Variants in MMS19 observed in about 807,000 individuals in gnomAD.
MMS19 encodes MMS19 cytosolic iron-sulfur assembly component.
Under a neutral mutation model 129.8 loss-of-function variants are expected in MMS19, and 77 were observed. The observed-to-expected ratio is 0.59, with a 90% CI of 0.49 to 0.72. The LOEUF (loss-of-function observed/expected upper bound fraction) is 0.72. MMS19 is among the 30% of genes least tolerant of loss of function. MMS19 has a pLI of 0.00. For synonymous variants in MMS19, 491 were observed against 502.8 expected, an observed-to-expected ratio of 0.98 and a Z score of 0.31; for missense variants, 1,168 against 1,266.3, an observed-to-expected ratio of 0.92 and a Z score of 1.18.
Position 97,467,568 on chromosome 10 carries a change from T to C in MMS19, c.1234A>G (p.Thr412Ala). 7 of 1,613,986 alleles carry C rather than the reference T, an allele frequency of 4.3e-6. No individual in the cohort carries two copies. Among genetic ancestry groups the C allele is most frequent in the Non-Finnish European group, 5.1e-6 (6 of 1,179,878 alleles). The change falls in exon 14 of 31, where the codon ACA becomes GCA. Residue 412 changes from threonine to alanine, a missense_variant. This residue lies in a region of MMS19 where 831 missense variants were observed against 910.8 expected (regional missense o/e 0.91). Transcript: ENST00000438925. ...HKHSQSSQRR[T>A]ILEMLLGFLK... ...AAACCCAGGAGCATTTCAAGGATTG[T>C]CCGCCGCTGGCTGCTCTGTAACGTT...
intron 1 of MMS19, among the ~76,000 whole-genome samples, chr10:97,490,689 C>G (rs1299583577): frequency 2.6e-5 from 4 of 152,178 alleles, no homozygotes; most frequent in Non-Finnish European, 4.4e-5. Flanking sequence ...TCTGTGGTCT[C>G]ACAGCAACAG....
chr10:97,481,090 G>A (rs780022676), intron 2 of MMS19, 48 bp from the exon 3 acceptor site: 23 of 1,161,522 alleles, frequency 2.0e-5, no homozygotes, highest in Non-Finnish European at 2.7e-5. Context: ...CAGTTCAAAT[G>A]TTTGAAGAAA....
chr10:97,489,270 GA>G (rs1050756020), intron 1 of MMS19, among the ~76,000 whole-genome samples: 5 of 152,248 alleles, frequency 3.3e-5, no homozygotes, highest in African/African-American at 1.2e-4. Flanking sequence ...TTTTTAAAGG[GA>G]GGGGGGATTG....
At chr10:97,472,310 G>A (rs1483292220) in intron 8 of MMS19, among the ~76,000 whole-genome samples, 2 of 152,188 alleles carry the variant, frequency 1.3e-5, no homozygotes, top group African/African-American at 4.8e-5. Flanking sequence ...CACGATCTTG[G>A]CTCACTGCAG....
chr10:97,486,895 A>ATATATATATATATATATATATATATATAT (rs57015711), intron 1 of MMS19, among the ~76,000 whole-genome samples: 8 of 140,304 alleles, frequency 5.7e-5, no homozygotes, highest in Non-Finnish European at 1.1e-4. Context: ...ATATATATAT[A>ATATATATATATATATATATATATATATAT]AAATTAAGAC....
At chr10:97,480,821 T>C (rs2036657719) in intron 3 of MMS19, 121 bp downstream of exon 3, 1 of 715,638 alleles carries the variant, frequency 1.4e-6, no homozygotes, top group East Asian at 2.7e-5. Context: ...ATGAAGACCT[T>C]GAATTAGTAG....
intron 2 of MMS19, among the ~76,000 whole-genome samples, chr10:97,482,706 CTGTG>C (rs369393413): frequency 0.016 from 2,174 of 131,810 alleles, 30 homozygotes; most frequent in East Asian, 0.078. Context: ...ATCAATAAGG[CTGTG>C]TGTGTGTGTG....
rs755203536 is a variant in MMS19 at position 97,477,910 on chromosome 10, G to T, written c.368C>A (p.Pro123His). 5 of 1,607,280 alleles carry T rather than the reference G, an allele frequency of 3.1e-6. No individual in the cohort carries two copies. Among genetic ancestry groups the T allele is most frequent in the Non-Finnish European group, 4.2e-6 (5 of 1,177,368 alleles). The change falls in exon 5 of 31, where the codon CCC (proline) becomes CAC (histidine). Residue 123 changes from proline to histidine, a missense_variant. Physicochemically the swap from Pro to His is moderately conservative, Grantham distance 77. Coordinates refer to ENST00000438925, the MANE Select transcript of MMS19 (RefSeq NM_022362.5). ...LKALSLCVALPPGLAVSVLKA... is the reference protein window; with the variant it reads ...LKALSLCVALHPGLAVSVLKA... ...AAGCACAGAAACAGCCAGCCCTGGG[G>T]GCAGGGCCACACACAGGCTCTGGGG...
chr10:97,498,173 C>CA (rs1217701337), intron 1 of MMS19, 100 bp downstream of exon 1: 2 of 1,190,908 alleles, frequency 1.7e-6, no homozygotes, highest in East Asian at 2.6e-5. Context: ...ACCAATCTCT[C>CA]AAAGTCACCC....
In MMS19 at chr10:97,477,429, G is replaced by T. The variant is rs1218216138; in HGVS notation, c.424-13C>A. The T allele has an allele frequency of 6.2e-7, 1 of 1,613,916 alleles. No homozygotes were observed. Among genetic ancestry groups the T allele is most frequent in the Non-Finnish European group, 8.5e-7 (1 of 1,179,854 alleles). ...CCTGTGGCAGGGACTTGGGGGTGGG[G>T]GAGAAAGAAGTGAAGAAAATGCTCA... On this transcript the variant is annotated splice_polypyrimidine_tract_variant and intron_variant, in intron 5 of 30. Transcript: ENST00000438925.
At chr10:97,477,277 A>C in intron 6 of MMS19, 70 bp downstream of exon 6, 2 of 1,612,388 alleles carry the variant, frequency 1.2e-6, no homozygotes, top group South Asian at 2.2e-5. Context: ...AGGTAAAATG[A>C]GTCCTACTAA....
chr10:97,461,100 A>C, intron 23 of MMS19, 93 bp from the exon 24 acceptor site: 2 of 1,028,954 alleles, frequency 1.9e-6, no homozygotes, highest in Non-Finnish European at 2.8e-6. Flanking sequence ...GCTCCCTGAG[A>C]AGCTGTTAGA....
chr10:97,459,527 C>CTT lies in MMS19; in HGVS notation c.2740-2_2740-1insAA. On this transcript the variant is annotated splice_acceptor_variant, in intron 27 of 30. Coordinates refer to ENST00000438925, the MANE Select transcript of MMS19 (RefSeq NM_022362.5). LOFTEE classifies it high-confidence loss of function. ...GGGCCTCCAGCAGCAAGGAAAGAAG[C>CTT]TAAGGGGCAATGGGCAAGGTAGGGG... 6.2e-7 allele frequency: 1 copy of CTT among 1,612,000 alleles called. No homozygotes were observed. The highest frequency in any genetic ancestry group is 8.5e-7 in the Non-Finnish European group (1 of 1,178,520).
intron 25 of MMS19, 186 bp from the exon 26 acceptor site, chr10:97,460,418 A>C: frequency 1.6e-6 from 1 of 633,668 alleles, no homozygotes; most frequent in South Asian, 2.0e-5. Flanking sequence ...AAAAAATACA[A>C]ACATTAGTTG....
intron 2 of MMS19, among the ~76,000 whole-genome samples, chr10:97,481,564 G>C (rs2135443632): frequency 6.6e-6 from 1 of 152,192 alleles, no homozygotes; most frequent in African/African-American, 2.4e-5. Flanking sequence ...TTTATAACTG[G>C]AAGGTTACAA....
intron 1 of MMS19, among the ~76,000 whole-genome samples, chr10:97,486,861 C>CTATATATA (rs1564694696): frequency 5.1e-4 from 8 of 15,610 alleles, no homozygotes; most frequent in South Asian, 2.3e-3. Flanking sequence ...AATTAAAGTG[C>CTATATATA]CATATATATA....
In MMS19 at chr10:97,477,388, A is replaced by T. The variant is rs2035956101; in HGVS notation, c.452T>A (p.Val151Asp). 1 of 1,613,818 alleles carries T rather than the reference A, an allele frequency of 6.2e-7. No homozygotes were observed. Among genetic ancestry groups the T allele is most frequent in the African/African-American group, 1.3e-5 (1 of 74,892 alleles). The stretch of plus-strand genomic sequence containing the variant: ...CATAAAATTGGTGATGATATTGTAG[A>T]CTGTGTGTCGGTCCACCTGTGGCAG... ...QSLPQVDRHTVYNIITNFMRT... is the reference protein window; with the variant it reads ...QSLPQVDRHTDYNIITNFMRT... Residue 151 changes from valine (V) to aspartate (D), a missense_variant, in exon 6 of 31, where the codon GTC (valine) becomes GAC (aspartate). Coordinates refer to ENST00000438925, the MANE Select transcript of MMS19 (RefSeq NM_022362.5).
At chr10:97,469,175 A>G in intron 11 of MMS19, 71 bp from the exon 12 acceptor site, 1 of 1,503,504 alleles carries the variant, frequency 6.7e-7, no homozygotes, top group Middle Eastern at 1.7e-4. Flanking sequence ...TCCACTGCCT[A>G]TTTCCTTGTT....
At chr10:97,462,720 A>G in intron 19 of MMS19, 38 bp from the exon 20 acceptor site, 1 of 1,495,276 alleles carries the variant, frequency 6.7e-7, no homozygotes. Flanking sequence ...TCACAAGACC[A>G]TGACGGGTTC....
Sources: allele counts gnomAD v4.1 joint callset (sites outside exome capture counted in the v4.1 genomes callset), GRCh38; gene constraint gnomAD v4.1.1; regional missense constraint gnomAD v4.1.1; transcripts MANE v1.5; gene names NCBI Gene and HGNC (gene_info 2026-07-23, HGNC 2026-07-21).